THSD7B: variants seen among roughly 807,000 people sequenced by gnomAD.
THSD7B encodes the protein thrombospondin type 1 domain containing 7B.
In THSD7B, 138 loss-of-function variants were observed where a neutral mutation model predicts 213.6. The ratio of observed to expected loss-of-function variants is 0.65; its 90% CI spans 0.56 to 0.74. The LOEUF is 0.74. Ranked by LOEUF, THSD7B falls within the 30% of genes least tolerant of loss-of-function variation. THSD7B has a pLI of 0.00. For missense variants in THSD7B, 1,931 were observed against 1,991.5 expected, an observed-to-expected ratio of 0.97 and a Z score of 0.58; for synonymous variants, 742 against 687.0, an observed-to-expected ratio of 1.08 and a Z score of -1.25.
intron 20 of THSD7B, among the ~76,000 whole-genome samples, chr2:137,640,587 T>G (rs1220369469): frequency 6.6e-6 from 1 of 152,222 alleles, no homozygotes; most frequent in Non-Finnish European, 1.5e-5. Flanking sequence ...TTGTTTGTTT[T>G]TTTAAACCCA....
intron 15 of THSD7B, among the ~76,000 whole-genome samples, chr2:137,546,797 T>G (rs1680750128): frequency 6.6e-6 from 1 of 151,644 alleles, no homozygotes; most frequent in African/African-American, 2.4e-5. Flanking sequence ...TTTTGTGGTC[T>G]TAATTGTTTA....
chr2:137,569,128 C>A (rs1681302197), intron 16 of THSD7B, among the ~76,000 whole-genome samples: 1 of 152,070 alleles, frequency 6.6e-6, no homozygotes. Context: ...GTGTTGCTGC[C>A]TCCGGAGATG....
At chr2:137,267,956 C>T (rs1682635629) in intron 10 of THSD7B, among the ~76,000 whole-genome samples, 1 of 152,276 alleles carries the variant, frequency 6.6e-6, no homozygotes, top group East Asian at 1.9e-4. Context: ...TTGGCCTTTG[C>T]CCATCTTCTC....
At chr2:137,422,650 T>C (rs1404563194) in intron 14 of THSD7B, among the ~76,000 whole-genome samples, 4 of 152,238 alleles carry the variant, frequency 2.6e-5, no homozygotes, top group Non-Finnish European at 4.4e-5. Flanking sequence ...AGTCATATGC[T>C]CTAAACATAT....
At chr2:137,518,972 G>C (rs543664160) in intron 15 of THSD7B, among the ~76,000 whole-genome samples, 1 of 152,320 alleles carries the variant, frequency 6.6e-6, no homozygotes, top group South Asian at 2.1e-4. Flanking sequence ...AAGGGGCTGG[G>C]CACGGTGGCT....
At chr2:137,516,807 G>A (rs1333870570) in intron 15 of THSD7B, among the ~76,000 whole-genome samples, 1 of 152,194 alleles carries the variant, frequency 6.6e-6, no homozygotes, top group African/African-American at 2.4e-5. Flanking sequence ...AGCCATTAGA[G>A]CTGCCTCTAC....
chr2:137,323,742 CA>C (rs1192337926), intron 12 of THSD7B, among the ~76,000 whole-genome samples: 1 of 151,948 alleles, frequency 6.6e-6, no homozygotes, highest in African/African-American at 2.4e-5. Context: ...AAACTGGCAA[CA>C]AAAAACTAGG....
chr2:137,130,328 T>A (rs1219699619), intron 5 of THSD7B, among the ~76,000 whole-genome samples: 2 of 152,142 alleles, frequency 1.3e-5, no homozygotes, highest in African/African-American at 4.8e-5. Flanking sequence ...CATTATCGTT[T>A]CCATCTCCAT....
chr2:137,180,929 T>C (rs1333610240), intron 7 of THSD7B, among the ~76,000 whole-genome samples: 1 of 152,198 alleles, frequency 6.6e-6, no homozygotes, highest in East Asian at 1.9e-4. Flanking sequence ...GCTAGACTCA[T>C]GAAACCTATT....
chr2:136,868,045 G>T (rs1683371346), intron 1 of THSD7B, among the ~76,000 whole-genome samples: 1 of 151,966 alleles, frequency 6.6e-6, no homozygotes, highest in Non-Finnish European at 1.5e-5. Flanking sequence ...TATACTTCAA[G>T]ACAATTGCCT....
Position 136,833,363 on chromosome 2 carries a change from C to CAAAAA in THSD7B, c.-35-48762_-35-48758dup, listed in dbSNP as rs10639590. 9.8e-3 allele frequency among the ~76,000 whole-genome samples: 536 copies of CAAAAA among 54,842 alleles called. 35 individuals carry two copies. The highest frequency in any genetic ancestry group is 0.03 in the Admixed American group (79 of 2,658). The allele number at this position is 54,842 out of a possible 152,430, so 36.0% of individuals were successfully genotyped here. ...TCGGCGAAAGAGCGAGACTCCGTCT[C>CAAAAA]AAAAAAAAAAAAAAAAAAAAAAAGA... On this transcript the variant is annotated intron_variant, in intron 1 of 27. Coordinates refer to ENST00000409968, the MANE Select transcript of THSD7B (RefSeq NM_001316349.2).
chr2:137,236,378 T>TA (rs1450374068), intron 9 of THSD7B, among the ~76,000 whole-genome samples: 2 of 152,230 alleles, frequency 1.3e-5, no homozygotes, highest in African/African-American at 4.8e-5. Context: ...GTGAGACTGT[T>TA]ACCATTGTAC....
intron 10 of THSD7B, among the ~76,000 whole-genome samples, chr2:137,253,458 G>A (rs1682233210): frequency 6.6e-6 from 1 of 152,124 alleles, no homozygotes; most frequent in Non-Finnish European, 1.5e-5. Context: ...ATGGCACATG[G>A]ATATTTAAAA....
At chr2:137,187,533 A>G (rs1390755843) in intron 7 of THSD7B, among the ~76,000 whole-genome samples, 1 of 152,150 alleles carries the variant, frequency 6.6e-6, no homozygotes, top group Non-Finnish European at 1.5e-5. Context: ...ATCAATGCAC[A>G]ATGAGTTGCA....
intron 15 of THSD7B, among the ~76,000 whole-genome samples, chr2:137,555,339 A>G (rs1013288202): frequency 5.9e-5 from 9 of 152,194 alleles, no homozygotes; most frequent in Admixed American, 4.6e-4. Flanking sequence ...CCCCTCTGAG[A>G]TGAAACCTCC....
Position 137,094,891 on chromosome 2 carries a change from C to T in THSD7B, c.969C>T (p.Ser323=). 6 of 1,612,436 alleles carry T rather than the reference C, an allele frequency of 3.7e-6. No homozygotes were observed. The highest frequency in any genetic ancestry group is 5.1e-6 in the Non-Finnish European group (6 of 1,178,948). ...NAMLSLCLQD[S]FPLTVQSCIM... Reference sequence around the variant, plus strand: ...TTTTCAGCCTTTGCCTTCAAGATTCCTTCCCATTGACTGTTCAGTCCTGCA... The same window carrying T: ...TTTTCAGCCTTTGCCTTCAAGATTCTTTCCCATTGACTGTTCAGTCCTGCA... Residue 323 remains serine, a synonymous_variant, in exon 4 of 28, where the codon TCC becomes TCT. Transcript: ENST00000409968.
intron 7 of THSD7B, among the ~76,000 whole-genome samples, chr2:137,197,954 G>A (rs900901041): frequency 3.9e-5 from 6 of 152,110 alleles, no homozygotes; most frequent in Admixed American, 3.9e-4. Context: ...TCATGCACAC[G>A]TGTATGCATG....
chr2:136,814,935 A>G (rs1269535312), intron 1 of THSD7B, among the ~76,000 whole-genome samples: 1 of 152,140 alleles, frequency 6.6e-6, no homozygotes, highest in African/African-American at 2.4e-5. Flanking sequence ...ATATTTCTTG[A>G]CATGCAAAAT....
chr2:136,921,262 T>C (rs1352250647), intron 2 of THSD7B, among the ~76,000 whole-genome samples: 1 of 151,344 alleles, frequency 6.6e-6, no homozygotes, highest in African/African-American at 2.4e-5. Flanking sequence ...CCCCTTATTC[T>C]GCTTATATGT....
Sources: allele counts gnomAD v4.1 joint callset (sites outside exome capture counted in the v4.1 genomes callset), GRCh38; gene constraint gnomAD v4.1.1; transcripts MANE v1.5; gene names NCBI Gene and HGNC (gene_info 2026-07-23, HGNC 2026-07-21).